Variants in RAB11FIP5 observed in about 807,000 individuals in gnomAD.
The protein encoded by RAB11FIP5 is rab11 family-interacting protein 5.
A neutral mutation model predicts 85.1 loss-of-function variants in RAB11FIP5; 48 were observed. The observed-to-expected ratio is 0.56, with a 90% CI of 0.45 to 0.72. The LOEUF is 0.72. Ranked by LOEUF, RAB11FIP5 falls within the 30% of genes least tolerant of loss-of-function variation. The pLI is 0.00. For missense variants in RAB11FIP5, 1,491 were observed against 1,687.0 expected (o/e 0.88, Z 2.04); for synonymous variants, 729 against 727.3 (o/e 1.00, Z -0.04).
chr2:73,083,313 G>A lies in RAB11FIP5; in HGVS notation c.1569-1650C>T, dbSNP rs570612467. Among the ~76,000 whole-genome samples, 191 of 152,246 alleles carry A rather than the reference G, an allele frequency of 1.3e-3. 1 individual carries two copies. The highest frequency in any genetic ancestry group is 4.3e-3 in the African/African-American group (178 of 41,526). ...CAGCTCGGCAGCTACCACCAGGGGC[G>A]GACCACAGGAAGGAGTCCAACTAAA... On this transcript the variant is annotated intron_variant, in intron 3 of 5. Coordinates refer to ENST00000486777, the MANE Select transcript of RAB11FIP5 (RefSeq NM_001371272.1).
chr2:73,079,865 G>T lies in RAB11FIP5; in HGVS notation c.3367C>A (p.Pro1123Thr), dbSNP rs1683936544. Residue 1123 changes from proline (P) to threonine (T), a missense_variant, in exon 4 of 6, where the codon CCT becomes ACT. Pro to Thr is a conservative substitution (Grantham distance 38). Coordinates refer to ENST00000486777, the MANE Select transcript of RAB11FIP5 (RefSeq NM_001371272.1). ...GCTTCAGACAGGGGAGAGCATGGAGGGCTGGGCCCCCCACGGTGGTGGCTG... is the reference window on the plus strand; with the variant it reads ...GCTTCAGACAGGGGAGAGCATGGAGTGCTGGGCCCCCCACGGTGGTGGCTG... ...WASHHRGGPS[P>T]PCSPLSEAWP... 1.6e-6 allele frequency: 2 copies of T among 1,232,456 alleles called. No individual in the cohort carries two copies. The highest frequency in any genetic ancestry group is 2.0e-6 in the Non-Finnish European group (2 of 988,202). The allele number at this position is 1,232,456 out of a possible 1,614,324, so 76.3% of individuals were successfully genotyped here.
Position 73,081,786 on chromosome 2 carries a change from A to G in RAB11FIP5, c.1569-123T>C. The G allele has an allele frequency of 1.1e-6, 1 of 951,880 alleles. No homozygotes were observed. The highest frequency in any genetic ancestry group is 1.4e-6 in the Non-Finnish European group (1 of 733,196). The allele number at this position is 951,880 out of a possible 1,614,324, so 59.0% of individuals were successfully genotyped here. Reference sequence around the variant, plus strand: ...CATAACACACACATAGGCTGGATTTACCTACTTGGGCCAGGGTACAGAGGG... The same window carrying G: ...CATAACACACACATAGGCTGGATTTGCCTACTTGGGCCAGGGTACAGAGGG... On this transcript the variant is annotated intron_variant, in intron 3 of 5. Coordinates refer to ENST00000486777, the MANE Select transcript of RAB11FIP5 (RefSeq NM_001371272.1). The surrounding 1 kb of genome is among the most constrained non-coding windows in gnomAD (Gnocchi z 4.2).
At chr2:73,112,155 C>A (rs941187452) in intron 1 of RAB11FIP5, among the ~76,000 whole-genome samples, 192 bp downstream of exon 1, 1 of 152,198 alleles carries the variant, frequency 6.6e-6, no homozygotes, top group Non-Finnish European at 1.5e-5. Context: ...AGTGGCTGAG[C>A]CCCACACAGC....
Position 73,112,840 on chromosome 2 carries a change from C to G in RAB11FIP5, c.-63G>C. 7.5e-7 allele frequency: 1 copy of G among 1,325,698 alleles called. No individual in the cohort carries two copies. Among genetic ancestry groups the G allele is most frequent in the Non-Finnish European group, 9.6e-7 (1 of 1,040,810 alleles). The allele number at this position is 1,325,698 out of a possible 1,614,324, so 82.1% of individuals were successfully genotyped here. ...GCAGACCCCAGGACCTGGTGACAAA[C>G]CCGGCCGCGGCAGAAGGCGGTCAGG... On this transcript the variant is annotated 5_prime_UTR_variant, in exon 1 of 6. Coordinates refer to ENST00000486777, the MANE Select transcript of RAB11FIP5 (RefSeq NM_001371272.1).
At position 73,080,506 on chromosome 2, in the gene RAB11FIP5, G is replaced by A. The variant is rs1175822946; in HGVS notation, c.2726C>T (p.Thr909Ile). ...TPPPKPPRLF[T>I]PSRSQEEEEE... is the part of the protein sequence containing the mutation. ...CTCCTCCTCCTGGGATCTTGAGGGT[G>A]TGAAGAGGCGCGGTGGCTTGGGAGG... Residue 909 changes from threonine (T) to isoleucine (I), a missense_variant, in exon 4 of 6, where the codon ACA (threonine) becomes ATA (isoleucine). Coordinates refer to ENST00000486777, the MANE Select transcript of RAB11FIP5 (RefSeq NM_001371272.1). The A allele has an allele frequency of 1.7e-5, 21 of 1,233,126 alleles. No homozygotes were observed. The highest frequency in any genetic ancestry group is 2.0e-5 in the Non-Finnish European group (20 of 988,416). The allele number at this position is 1,233,126 out of a possible 1,614,324, so 76.4% of individuals were successfully genotyped here.
intron 1 of RAB11FIP5, among the ~76,000 whole-genome samples, chr2:73,108,577 A>G (rs1368126803): frequency 6.6e-6 from 1 of 152,190 alleles, no homozygotes; most frequent in African/African-American, 2.4e-5. Flanking sequence ...CTCTTCTGAT[A>G]TATCCAGGTC....
Position 73,075,143 on chromosome 2 carries a change from A to T in RAB11FIP5, c.*378T>A. ...TGGCTGTGGGAAGAAATGGCTGACC[A>T]TCCTTGGGGGATAATAAAGTATGTG... On this transcript the variant is annotated 3_prime_UTR_variant, in exon 6 of 6. Coordinates refer to ENST00000486777, the MANE Select transcript of RAB11FIP5 (RefSeq NM_001371272.1). This position sits in a 1 kb window ranked among gnomAD's most constrained non-coding sequence, Gnocchi z 4.6. 1 of 463,822 alleles carries T rather than the reference A, an allele frequency of 2.2e-6. No homozygotes were observed. Among genetic ancestry groups the T allele is most frequent in the South Asian group, 1.8e-5 (1 of 56,688 alleles). 28.7% of individuals were successfully genotyped at this position (463,822 alleles called of 1,614,324 possible).
In RAB11FIP5 at chr2:73,080,421, G is replaced by A. The variant is rs2106103382; in HGVS notation, c.2811C>T (p.Ala937=). The A allele has an allele frequency of 8.1e-7, 1 of 1,233,388 alleles. No individual in the cohort carries two copies. The highest frequency in any genetic ancestry group is 3.2e-5 in the East Asian group (1 of 31,722). The allele number at this position is 1,233,388 out of a possible 1,614,324, so 76.4% of individuals were successfully genotyped here. A position where few individuals can be genotyped will look rare whatever the true frequency, so the allele number is the denominator to read the frequency against. ...GACCGACAACCAGTGCACTTGGGGA[G>A]GCATCTTCTCCCTCTGTCTCCGGCC... ...NRGPETEGED[A]SPSALVVGPP... is the part of the protein sequence containing the mutation. The change falls in exon 4 of 6, where the codon GCC becomes GCT. Residue 937 remains alanine, a synonymous_variant. Transcript: ENST00000486777.
chr2:73,085,444 C>T (rs17348638), intron 3 of RAB11FIP5, among the ~76,000 whole-genome samples: 8,900 of 152,300 alleles, frequency 0.058, 303 homozygotes, highest in East Asian at 0.14. Flanking sequence ...AGACAATCCA[C>T]TTTGGCCCTG....
chr2:73,108,338 G>A (rs981427365), intron 1 of RAB11FIP5, among the ~76,000 whole-genome samples: 2 of 152,192 alleles, frequency 1.3e-5, no homozygotes, highest in Admixed American at 6.5e-5. Flanking sequence ...TGACGATCCT[G>A]TCTGCCACAC....
At chr2:73,093,937 A>G (rs1684270543) in intron 1 of RAB11FIP5, among the ~76,000 whole-genome samples, 1 of 152,156 alleles carries the variant, frequency 6.6e-6, no homozygotes, top group African/African-American at 2.4e-5. Flanking sequence ...CCTGGCCAAC[A>G]TGGCGAAACC....
In RAB11FIP5 at chr2:73,112,842, C is replaced by T. The variant is rs1684698276; in HGVS notation, c.-65G>A. On this transcript the variant is annotated 5_prime_UTR_variant, in exon 1 of 6. Coordinates refer to ENST00000486777, the MANE Select transcript of RAB11FIP5 (RefSeq NM_001371272.1). ...AGACCCCAGGACCTGGTGACAAACC[C>T]GGCCGCGGCAGAAGGCGGTCAGGAA... is the stretch of plus-strand genomic sequence containing the variant. 1 of 1,322,334 alleles carries T rather than the reference C, an allele frequency of 7.6e-7. No homozygotes were observed. Among genetic ancestry groups the T allele is most frequent in the Non-Finnish European group, 9.6e-7 (1 of 1,038,354 alleles). 81.9% of individuals were successfully genotyped at this position (1,322,334 alleles called of 1,614,324 possible).
In RAB11FIP5 at chr2:73,094,388, G is replaced by C. The variant is rs193241990; in HGVS notation, c.432-5073C>G. Among the ~76,000 whole-genome samples, 428 of 152,264 alleles carry C rather than the reference G, an allele frequency of 2.8e-3. 2 individuals carry two copies. Among genetic ancestry groups the C allele is most frequent in the Non-Finnish European group, 4.7e-3 (317 of 68,024 alleles). ...CAAAATCAATCAGGGTGTGACCAAG[G>C]CCCCAACATTCATCTAGACAATGGC... is the stretch of plus-strand genomic sequence containing the variant. On this transcript the variant is annotated intron_variant, in intron 1 of 5. Transcript: ENST00000486777.
chr2:73,098,430 C>A (rs1180275564), intron 1 of RAB11FIP5, among the ~76,000 whole-genome samples: 2 of 152,240 alleles, frequency 1.3e-5, no homozygotes, highest in African/African-American at 4.8e-5. Flanking sequence ...CATGAGGATT[C>A]AATGGCCTAT....
intron 1 of RAB11FIP5, among the ~76,000 whole-genome samples, chr2:73,106,329 G>A (rs1290395978): frequency 6.6e-6 from 1 of 152,208 alleles, no homozygotes; most frequent in Admixed American, 6.5e-5. Context: ...TGGCCGACAG[G>A]TCTCTGGTGT....
Position 73,080,155 on chromosome 2 carries a change from T to C in RAB11FIP5, c.3077A>G (p.Glu1026Gly), listed in dbSNP as rs1356573462. ...CTGGGCCTCAGGAGCCTCAGGGCCT[T>C]CTCCAACCTCTGGAGTCCCCCAGAT... ...QHIWGTPEVGEGPEAPEAQGQ... is the reference protein window; with the variant it reads ...QHIWGTPEVGGGPEAPEAQGQ... The change falls in exon 4 of 6, where the codon GAA (glutamate) becomes GGA (glycine). Residue 1026 changes from glutamate to glycine, a missense_variant. This residue lies in a region of RAB11FIP5 where 1,211 missense variants were observed against 1,338.0 expected (regional missense o/e 0.91). Transcript: ENST00000486777. 4 of 1,231,960 alleles carry C rather than the reference T, an allele frequency of 3.2e-6. No homozygotes were observed. In the African/African-American group the frequency reaches 6.2e-5, roughly 19 times the overall value. The allele number at this position is 1,231,960 out of a possible 1,614,324, so 76.3% of individuals were successfully genotyped here.
rs1574294048 is a variant in RAB11FIP5, at chr2:73,081,479, GGGC to G, written c.1750_1752del (p.Ala584del). 8.1e-7 allele frequency: 1 copy of G among 1,234,828 alleles called. No individual in the cohort carries two copies. The highest frequency in any genetic ancestry group is 3.1e-5 in the East Asian group (1 of 31,788). The allele number at this position is 1,234,828 out of a possible 1,614,324, so 76.5% of individuals were successfully genotyped here. On this transcript the variant is annotated inframe_deletion, in exon 4 of 6. Transcript: ENST00000486777. The surrounding 1 kb of genome is among the most constrained non-coding windows in gnomAD (Gnocchi z 4.2). ...AATAATCCAGGTGGGGTGGCTTCAGGGGCGGCGGTGGTGGCGGCAGCGGCAGCA... is the reference window on the plus strand; with the variant it reads ...AATAATCCAGGTGGGGTGGCTTCAGGGGCGGTGGTGGCGGCAGCGGCAGCA...
chr2:73,076,323 G>A (rs1052619639), intron 4 of RAB11FIP5, 141 bp from the exon 5 acceptor site: 1 of 834,386 alleles, frequency 1.2e-6, no homozygotes, highest in South Asian at 1.7e-5. Context: ...CAGAGTCAAG[G>A]TTTCAGGGCA....
intron 1 of RAB11FIP5, among the ~76,000 whole-genome samples, chr2:73,098,856 T>C (rs2106118939): frequency 6.6e-6 from 1 of 152,344 alleles, no homozygotes; most frequent in East Asian, 1.9e-4. Context: ...AAGTAGTACC[T>C]ATACGCTTGT....
Sources: gnomAD v4.1 joint callset for allele counts (sites outside exome capture counted in the v4.1 genomes callset) on GRCh38, gnomAD v4.1.1 for gene constraint, gnomAD v4.1.1 regional missense constraint, Gnocchi (gnomAD v3.1) non-coding constraint, MANE v1.5 for transcripts, NCBI Gene and HGNC (gene_info 2026-07-23, HGNC 2026-07-21) for gene names.